The following ZNF217 variants were observed in gnomAD, a reference collection of about 807,000 sequenced individuals.
ZNF217 encodes zinc finger protein 217.
Under a neutral mutation model 73.3 loss-of-function variants are expected in ZNF217, and 12 were observed. The observed-to-expected ratio is 0.16, with a 90% CI of 0.10 to 0.27. The LOEUF is 0.27. Ranked by LOEUF, ZNF217 falls within the 10% of genes least tolerant of loss-of-function variation. The probability of loss-of-function intolerance (pLI) is 1.00; values close to 1 mark genes in which losing one functional copy is unlikely to be tolerated. For missense variants in ZNF217, 1,195 were observed against 1,327.8 expected, an observed-to-expected ratio of 0.90 and a Z score of 1.55; for synonymous variants, 588 against 516.4, an observed-to-expected ratio of 1.14 and a Z score of -1.88.
intron 4 of ZNF217, among the ~76,000 whole-genome samples, chr20:53,573,255 C>G (rs1163515763): frequency 6.6e-6 from 1 of 151,890 alleles, no homozygotes; most frequent in Non-Finnish European, 1.5e-5. Flanking sequence ...TCTGGAGTAG[C>G]TGGGATTACA....
In ZNF217 at chr20:53,583,040, G is replaced by A; in HGVS notation, c.-214C>T. 2 of 512,678 alleles carry A rather than the reference G, an allele frequency of 3.9e-6. No homozygotes were observed. The highest frequency in any genetic ancestry group is 3.5e-5 in the South Asian group (1 of 28,838). The allele number at this position is 512,678 out of a possible 1,614,324, so 31.8% of individuals were successfully genotyped here. On this transcript the variant is annotated 5_prime_UTR_variant, in exon 2 of 6. Transcript: ENST00000371471. ...GTTCTTTCCACAAACAAGGCATACA[G>A]GGTTCCCAATGCCTCGATTCAAATA...
intron 1 of ZNF217, among the ~76,000 whole-genome samples, chr20:53,591,362 T>C (rs545382888): frequency 6.6e-6 from 1 of 152,344 alleles, no homozygotes; most frequent in East Asian, 1.9e-4. Context: ...CCTCCTTCTG[T>C]AGGCAAATAA....
rs1321588449 is a variant in ZNF217, at chr20:53,593,208, GC to G, written c.-343+547del. 3.0e-4 allele frequency among the ~76,000 whole-genome samples: 45 copies of G among 152,218 alleles called. No individual in the cohort carries two copies. In the East Asian group the frequency reaches 8.0e-3, roughly 27 times the overall value. On this transcript the variant is annotated intron_variant, in intron 1 of 5. Transcript: ENST00000371471. ...CAGCCCCTCCCGCGGTCCCTTAGAG[GC>G]GCCCTCCGCCCGGCCCGAGTGGACC...
In ZNF217 at chr20:53,576,530, T is replaced by C; in HGVS notation, c.2234A>G (p.Asn745Ser). The stretch of plus-strand genomic sequence containing the variant: ...ACGTCGACTTCTAAGCAAGGACTTG[T>C]TTCGACAGTTTTTATGAACGTCAGG... ...YNPDVHKNCRNKSLLRSRRTG... is the reference protein window; with the variant it reads ...YNPDVHKNCRSKSLLRSRRTG... Residue 745 changes from asparagine to serine, a missense_variant, in exon 4 of 6, where the codon AAC becomes AGC. Coordinates refer to ENST00000371471, the MANE Select transcript of ZNF217 (RefSeq NM_006526.3). 1 of 1,614,258 alleles carries C rather than the reference T, an allele frequency of 6.2e-7. No homozygotes were observed. Among genetic ancestry groups the C allele is most frequent in the Non-Finnish European group, 8.5e-7 (1 of 1,180,040 alleles).
chr20:53,588,926 A>G (rs1218962680), intron 1 of ZNF217, among the ~76,000 whole-genome samples: 2 of 152,240 alleles, frequency 1.3e-5, no homozygotes, highest in Non-Finnish European at 1.5e-5. Context: ...AGATTTATAA[A>G]CTGAAGAAAA....
intron 4 of ZNF217, chr20:53,575,231 A>G (rs1988203566): frequency 6.6e-6 from 1 of 152,462 alleles, no homozygotes; most frequent in African/African-American, 2.4e-5. Context: ...TCTGTAGTCT[A>G]AGATACTTGG....
chr20:53,579,975 G>A (rs942396115), intron 2 of ZNF217, among the ~76,000 whole-genome samples: 4 of 152,150 alleles, frequency 2.6e-5, no homozygotes, highest in African/African-American at 9.7e-5. Flanking sequence ...ACCGGTAACT[G>A]GCCTTTTCAT....
intron 1 of ZNF217, among the ~76,000 whole-genome samples, chr20:53,586,915 G>A (rs1988715810): frequency 6.6e-6 from 1 of 152,182 alleles, no homozygotes; most frequent in Non-Finnish European, 1.5e-5. Flanking sequence ...AGAAAAGCAG[G>A]ATATTATAAT....
chr20:53,578,649 A>G (rs1031337840), intron 2 of ZNF217, among the ~76,000 whole-genome samples, 199 bp from the exon 3 acceptor site: 2 of 152,246 alleles, frequency 1.3e-5, no homozygotes, highest in Non-Finnish European at 2.9e-5. Flanking sequence ...GTGTTATAAC[A>G]TGATTTTGTT....
chr20:53,576,462 G>A lies in ZNF217; in HGVS notation c.2302C>T (p.Leu768Phe), dbSNP rs139205711. 1 of 1,614,232 alleles carries A rather than the reference G, an allele frequency of 6.2e-7. No individual in the cohort carries two copies. The highest frequency in any genetic ancestry group is 1.3e-5 in the African/African-American group (1 of 75,070). The change falls in exon 4 of 6, where the codon CTC becomes TTC. Residue 768 changes from leucine (L) to phenylalanine (F), a missense_variant. Around this residue, in one of 9 missense-constraint regions of ZNF217, gnomAD observed 649 missense variants for 642.8 expected, o/e 1.01. Transcript: ENST00000371471. ...PALLGKDVPP[L>F]SSFCKPKPKS... ...GGCTTGGGTTTACAGAAACTAGAGA[G>A]GGGAGGCACATCTTTTCCCAGCAAC...
upstream of ZNF217, among the ~76,000 whole-genome samples, chr20:53,595,175 C>CT (rs2145992620): frequency 6.6e-6 from 1 of 152,092 alleles, no homozygotes; most frequent in Non-Finnish European, 1.5e-5. Flanking sequence ...TTCCTAAGGC[C>CT]TGTGATATTT....
intron 1 of ZNF217, among the ~76,000 whole-genome samples, chr20:53,593,335 C>G (rs1344045628): frequency 6.6e-6 from 1 of 152,116 alleles, no homozygotes; most frequent in African/African-American, 2.4e-5. Context: ...GGGGACCCTA[C>G]GCCGACGTTC....
At chr20:53,590,544 C>T (rs1216630969) in intron 1 of ZNF217, among the ~76,000 whole-genome samples, 2 of 152,068 alleles carry the variant, frequency 1.3e-5, no homozygotes, top group Non-Finnish European at 2.9e-5. Flanking sequence ...AGTCAAGAGT[C>T]ATTAAAACTA....
rs1250375378 is a variant in ZNF217 at position 53,576,501 on chromosome 20, C to T, written c.2263G>A (p.Gly755Arg). The T allele has an allele frequency of 1.9e-6, 3 of 1,614,104 alleles. No individual in the cohort carries two copies. Among genetic ancestry groups the T allele is most frequent in the Non-Finnish European group, 1.7e-6 (2 of 1,180,056 alleles). ...TTTCCCAGCAACGCTGGCGGGCATC[C>T]GGTACGTCGACTTCTAAGCAAGGAC... ...NKSLLRSRRT[G>R]CPPALLGKDV... The change falls in exon 4 of 6, where the codon GGA becomes AGA. Residue 755 changes from glycine to arginine, a missense_variant. Transcript: ENST00000371471.
At position 53,571,796 on chromosome 20, in the gene ZNF217, T is replaced by C; in HGVS notation, c.3095A>G (p.Tyr1032Cys). 1 of 1,613,688 alleles carries C rather than the reference T, an allele frequency of 6.2e-7. No individual in the cohort carries two copies. Residue 1032 changes from tyrosine to cysteine, a missense_variant, in exon 5 of 6, where the codon TAT becomes TGT. By Grantham distance (194) the Tyr-to-Cys change is radical (BLOSUM62 -2). This residue lies in a region of ZNF217 where 649 missense variants were observed against 642.8 expected (regional missense o/e 1.01). Coordinates refer to ENST00000371471, the MANE Select transcript of ZNF217 (RefSeq NM_006526.3). ...LSNSMAQKRN[Y>C]ENFIGNAHYR... ...ATGTGCATTCCCAATAAAATTCTCA[T>C]AGTTTCTCTTTTGTGCCATGCTGTT...
upstream of ZNF217, among the ~76,000 whole-genome samples, chr20:53,595,046 C>CG (rs1568695730): frequency 9.5e-6 from 1 of 105,222 alleles, no homozygotes; most frequent in South Asian, 3.4e-4. Context: ...AAAAAAGGGA[C>CG]AAAAAAAAAA....
intron 1 of ZNF217, among the ~76,000 whole-genome samples, chr20:53,589,499 C>A (rs1271745797): frequency 6.6e-6 from 1 of 152,204 alleles, no homozygotes; most frequent in Admixed American, 6.5e-5. Context: ...TATGTGGCGG[C>A]AGCTGGCTAG....
At chr20:53,585,807 AG>A (rs1170589659) in intron 1 of ZNF217, among the ~76,000 whole-genome samples, 1 of 152,120 alleles carries the variant, frequency 6.6e-6, no homozygotes, top group Non-Finnish European at 1.5e-5. Context: ...ACAGCCTGGG[AG>A]ACCTGGAGAT....
intron 1 of ZNF217, among the ~76,000 whole-genome samples, chr20:53,589,942 C>A (rs868289764): frequency 4.8e-4 from 64 of 133,610 alleles, no homozygotes; most frequent in African/African-American, 1.6e-3. Flanking sequence ...GGATCAAGAC[C>A]CCCCCGCCCG....
Sources: allele counts gnomAD v4.1 joint callset (sites outside exome capture counted in the v4.1 genomes callset), GRCh38; gene constraint gnomAD v4.1.1; regional missense constraint gnomAD v4.1.1; transcripts MANE v1.5; gene names NCBI Gene and HGNC (gene_info 2026-07-23, HGNC 2026-07-21).